The following POLR3F variants were observed in gnomAD, a reference collection of about 807,000 sequenced individuals.
POLR3F encodes the protein DNA-directed RNA polymerase III subunit RPC6.
In POLR3F, 31 loss-of-function variants were observed where a neutral mutation model predicts 43.6. The observed-to-expected ratio is 0.71, with a 90% CI of 0.53 to 0.96. The LOEUF (loss-of-function observed/expected upper bound fraction) is 0.96. Among genes scored for constraint, POLR3F ranks in the 40% least tolerant of loss-of-function variants. The probability of loss-of-function intolerance (pLI) is 0.00; values close to 1 mark genes in which losing one functional copy is unlikely to be tolerated. For synonymous variants in POLR3F, 114 were observed against 132.5 expected, an observed-to-expected ratio of 0.86 and a Z score of 0.96; for missense variants, 316 against 391.7, an observed-to-expected ratio of 0.81 and a Z score of 1.63.
At position 18,472,906 on chromosome 20, in the gene POLR3F, C is replaced by G. The variant is rs1245275298; in HGVS notation, c.245C>G (p.Ala82Gly). The G allele has an allele frequency of 5.0e-6, 7 of 1,389,024 alleles. No homozygotes were observed. Among genetic ancestry groups the G allele is most frequent in the Non-Finnish European group, 7.1e-6 (7 of 991,220 alleles). The allele number at this position is 1,389,024 out of a possible 1,614,324, so 86.0% of individuals were successfully genotyped here. ...LLYRIKDSQN[A>G]GKMKGSDNQE... is the part of the protein sequence containing the mutation. ...TATAGAATAAAGGACTCTCAGAATG[C>G]TGGGTAAGTACTTGTTTTTTTAATT... Residue 82 changes from alanine to glycine, a missense_variant, in exon 3 of 9, where the codon GCT (alanine) becomes GGT (glycine). Transcript: ENST00000377603.
At chr20:18,481,922 GC>G in intron 8 of POLR3F, 112 bp downstream of exon 8, 1 of 647,890 alleles carries the variant, frequency 1.5e-6, no homozygotes, top group South Asian at 2.0e-5. Flanking sequence ...TTGACCAAGA[GC>G]TATTCAAACC....
rs572535521 is a variant in POLR3F at position 18,481,532 on chromosome 20, C to T, written c.682-87C>T. ...GGGATTACAGGCGTGAGCCACTGCGCCCAGCAACCCTTTACTGTTTTTAAC... is the reference window on the plus strand; with the variant it reads ...GGGATTACAGGCGTGAGCCACTGCGTCCAGCAACCCTTTACTGTTTTTAAC... On this transcript the variant is annotated intron_variant, in intron 7 of 8. Coordinates refer to ENST00000377603, the MANE Select transcript of POLR3F (RefSeq NM_006466.4). 18 of 919,388 alleles carry T rather than the reference C, an allele frequency of 2.0e-5. No homozygotes were observed. In the East Asian group the frequency reaches 4.4e-4, roughly 22 times the overall value. The allele number at this position is 919,388 out of a possible 1,614,324, so 57.0% of individuals were successfully genotyped here.
At chr20:18,476,662 G>C (rs190796194) in intron 5 of POLR3F, among the ~76,000 whole-genome samples, 1 of 152,316 alleles carries the variant, frequency 6.6e-6, no homozygotes, top group East Asian at 1.9e-4. Flanking sequence ...ATGTTAATAA[G>C]TTGGAGTTTA....
intron 8 of POLR3F, among the ~76,000 whole-genome samples, chr20:18,483,145 A>G (rs149520460): frequency 0.015 from 2,254 of 151,396 alleles, 47 homozygotes; most frequent in African/African-American, 0.046. Flanking sequence ...GCTCACTACA[A>G]CCTCTGCCTC....
intron 5 of POLR3F, among the ~76,000 whole-genome samples, chr20:18,476,187 C>T (rs1378390945): frequency 6.6e-6 from 1 of 152,152 alleles, no homozygotes; most frequent in East Asian, 1.9e-4. Flanking sequence ...GTTGTGCAAC[C>T]ATCACCGCTG....
At chr20:18,481,189 C>G (rs1474609649) in intron 7 of POLR3F, among the ~76,000 whole-genome samples, 1 of 152,132 alleles carries the variant, frequency 6.6e-6, no homozygotes, top group East Asian at 1.9e-4. Context: ...TTAAATTACT[C>G]CACCCCAGCA....
intron 2 of POLR3F, among the ~76,000 whole-genome samples, chr20:18,470,971 G>T (rs1263406559): frequency 6.6e-6 from 1 of 152,010 alleles, no homozygotes; most frequent in Non-Finnish European, 1.5e-5. Flanking sequence ...ATCTTAACTG[G>T]TTTCCATGAC....
At position 18,480,467 on chromosome 20, in the gene POLR3F, A is replaced by G. The variant is rs1487454438; in HGVS notation, c.639A>G (p.Ser213=). ...MIQRNSSFAS[S]HEVWKYICEL... ...AAAGAAATAGTTCATTTGCCTCATC[A>G]CATGAAGTGTGGAAATATATCTGCG... Residue 213 remains serine, a synonymous_variant, in exon 7 of 9, where the codon TCA becomes TCG. Transcript: ENST00000377603. 2.5e-6 allele frequency: 4 copies of G among 1,611,078 alleles called. No homozygotes were observed. In the African/African-American group the frequency reaches 5.3e-5, roughly 22 times the overall value.
At chr20:18,471,370 G>A (rs1380512910) in intron 2 of POLR3F, among the ~76,000 whole-genome samples, 1 of 152,116 alleles carries the variant, frequency 6.6e-6, no homozygotes, top group Non-Finnish European at 1.5e-5. Flanking sequence ...CCCCAGGTTG[G>A]GCCGCAGCCT....
chr20:18,474,604 C>T (rs578037032), intron 4 of POLR3F, among the ~76,000 whole-genome samples: 7 of 150,824 alleles, frequency 4.6e-5, no homozygotes, highest in Admixed American at 1.3e-4. Flanking sequence ...GTGCAACCTC[C>T]GCCTCCCGGG....
At chr20:18,474,243 C>T (rs2148863398) in intron 4 of POLR3F, among the ~76,000 whole-genome samples, 1 of 152,026 alleles carries the variant, frequency 6.6e-6, no homozygotes, top group Admixed American at 6.6e-5. Flanking sequence ...GCTTCTCACA[C>T]AGGGCTTTTA....
chr20:18,482,498 G>C (rs1169562978), intron 8 of POLR3F, among the ~76,000 whole-genome samples: 1 of 152,062 alleles, frequency 6.6e-6, no homozygotes, highest in Non-Finnish European at 1.5e-5. Context: ...TGAAGCTAGT[G>C]GTGTTATTTC....
intron 2 of POLR3F, 56 bp from the exon 3 acceptor site, chr20:18,472,786 G>T: frequency 1.3e-6 from 1 of 776,384 alleles, no homozygotes; most frequent in South Asian, 1.7e-5. Flanking sequence ...TTTGTCATTT[G>T]ATTTAACATA....
In POLR3F at chr20:18,484,178, A is replaced by G; in HGVS notation, c.*620A>G. 1 of 398,476 alleles carries G rather than the reference A, an allele frequency of 2.5e-6. No homozygotes were observed. 24.7% of individuals were successfully genotyped at this position (398,476 alleles called of 1,614,324 possible). On this transcript the variant is annotated 3_prime_UTR_variant, in exon 9 of 9. Transcript: ENST00000377603. ...TACCATACTTACTTCAAACCCAATG[A>G]CTACTGTCAAGGACATATTTTCAGT...
At chr20:18,473,337 T>G in intron 3 of POLR3F, 54 bp from the exon 4 acceptor site, 2 of 762,410 alleles carry the variant, frequency 2.6e-6, no homozygotes, top group Non-Finnish European at 4.6e-6. Flanking sequence ...TGATGTAGAT[T>G]ATTAGATTAT....
At chr20:18,475,039 C>T (rs910742056) in intron 4 of POLR3F, 36 bp from the exon 5 acceptor site, 10 of 856,626 alleles carry the variant, frequency 1.2e-5, no homozygotes, top group Admixed American at 2.0e-5. Context: ...TCCATGAAAA[C>T]CAGAGTTCAA....
rs750684129 is a variant in POLR3F, at chr20:18,481,664, A to G, written c.727A>G (p.Ile243Val). ...CATTGAAACCATCCTGAATACACTC[A>G]TTTATGATGGAAAAGTGGAGATGAC... ...EDIETILNTL[I>V]YDGKVEMTII... The change falls in exon 8 of 9, where the codon ATT becomes GTT. Residue 243 changes from isoleucine to valine, a missense_variant. Ile to Val is a conservative substitution (Grantham distance 29). Transcript: ENST00000377603. 2 of 1,613,294 alleles carry G rather than the reference A, an allele frequency of 1.2e-6. No individual in the cohort carries two copies. Among genetic ancestry groups the G allele is most frequent in the Non-Finnish European group, 1.7e-6 (2 of 1,179,174 alleles).
chr20:18,470,285 G>C (rs1487124151), intron 2 of POLR3F, among the ~76,000 whole-genome samples: 1 of 152,158 alleles, frequency 6.6e-6, no homozygotes, highest in Admixed American at 6.5e-5. Flanking sequence ...GTGGAGATTT[G>C]GGGTCCGATG....
intron 2 of POLR3F, among the ~76,000 whole-genome samples, chr20:18,470,143 C>T (rs142837996): frequency 4.7e-4 from 72 of 152,326 alleles, no homozygotes; most frequent in Non-Finnish European, 9.1e-4. Flanking sequence ...ACCAAAACAT[C>T]CTTTTCCTAA....
Sources: gnomAD v4.1 joint callset for allele counts (sites outside exome capture counted in the v4.1 genomes callset) on GRCh38, gnomAD v4.1.1 for gene constraint, MANE v1.5 for transcripts, NCBI Gene and HGNC (gene_info 2026-07-23, HGNC 2026-07-21) for gene names.